The following FBXL18 variants were observed in gnomAD, a reference collection of about 807,000 sequenced individuals.
FBXL18 encodes the protein F-box and leucine rich repeat protein 18.
Under a neutral mutation model 46.0 loss-of-function variants are expected in FBXL18, and 36 were observed. That is an observed-to-expected ratio of 0.78 (90% CI 0.60 to 1.03). FBXL18 has a LOEUF of 1.03. Ranked by LOEUF, FBXL18 falls within the 50% of genes least tolerant of loss-of-function variation. FBXL18 has a pLI of 0.00. For missense variants in FBXL18, 977 were observed against 1,004.1 expected, an observed-to-expected ratio of 0.97 and a Z score of 0.36; for synonymous variants, 557 against 465.3, an observed-to-expected ratio of 1.20 and a Z score of -2.54.
At chr7:5,458,344 C>A (rs540553873) in intron 4 of FBXL18, among the ~76,000 whole-genome samples, 2 of 152,276 alleles carry the variant, frequency 1.3e-5, no homozygotes, top group South Asian at 4.1e-4. Context: ...GCGAGTGGAT[C>A]GCTTGAGGTC....
rs183828325 is a variant in FBXL18 at position 5,470,473 on chromosome 7, G to A, written c.2000+20758C>T. Among the ~76,000 whole-genome samples the A allele has an allele frequency of 3.5e-4, 53 of 152,242 alleles. No individual in the cohort carries two copies. The East Asian group carries it at 9.1e-3, about 26-fold the overall frequency. On this transcript the variant is annotated intron_variant and NMD_transcript_variant, in intron 4 of 6. Transcript: ENST00000415009. ...GGGAGCCTGAGCTGCCACGAAACCC[G>A]AGAGCCAGGAACTCTGGGAAACCCG...
chr7:5,484,329 G>A (rs930578199), intron 4 of FBXL18, among the ~76,000 whole-genome samples: 4 of 152,038 alleles, frequency 2.6e-5, no homozygotes, highest in African/African-American at 9.7e-5. Context: ...AAATTAGCCG[G>A]GCGTGGTGGT....
intron 3 of FBXL18, among the ~76,000 whole-genome samples, chr7:5,498,147 G>A (rs1784133447): frequency 6.7e-6 from 1 of 150,108 alleles, no homozygotes; most frequent in African/African-American, 2.5e-5. Flanking sequence ...GCGGCCAGTG[G>A]CGCGATCTCG....
chr7:5,512,588 G>C (rs894542638), intron 1 of FBXL18, among the ~76,000 whole-genome samples: 3 of 152,206 alleles, frequency 2.0e-5, no homozygotes, highest in African/African-American at 7.2e-5. Flanking sequence ...CTGGGCGACA[G>C]AGCGAGACTC....
rs1783616980 is a variant in FBXL18, at chr7:5,480,548, A to ATATATATATATATATT, written c.*1226_*1227insAATATATATATATATA. On this transcript the variant is annotated 3_prime_UTR_variant, in exon 5 of 5. Transcript: ENST00000382368. ...GTTGAATATATATATATATATATAT[A>ATATATATATATATATT]TTTTTTTTTTTTTTTTTTTTTTTTT... 2.5e-5 allele frequency: 1 copy of ATATATATATATATATT among 40,332 alleles called. No homozygotes were observed. Among genetic ancestry groups the ATATATATATATATATT allele is most frequent in the African/African-American group, 9.6e-5 (1 of 10,416 alleles). The allele number at this position is 40,332 out of a possible 1,614,324, so 2.5% of individuals were successfully genotyped here.
intron 1 of FBXL18, among the ~76,000 whole-genome samples, chr7:5,511,298 G>T (rs1784524700): frequency 6.6e-6 from 1 of 151,976 alleles, no homozygotes; most frequent in Non-Finnish European, 1.5e-5. Flanking sequence ...TTAGCCAGGG[G>T]CCGGGCGCAG....
intron 4 of FBXL18, among the ~76,000 whole-genome samples, chr7:5,463,712 A>ATATATATATATATATATT (rs1783292419): frequency 1.8e-5 from 1 of 56,470 alleles, no homozygotes; most frequent in Non-Finnish European, 3.2e-5. Context: ...ATATTTATTT[A>ATATATATATATATATATT]TTTATTTATT....
rs978225009 is a variant in FBXL18 at position 5,479,340 on chromosome 7, G to A, written c.*2435C>T. ...TGGAGCAGACGCAATTCTCTAGCCC[G>A]AGTGGGGAATGTTCTGGAGGAAGGA... On this transcript the variant is annotated 3_prime_UTR_variant, in exon 5 of 5. Coordinates refer to ENST00000382368, the MANE Select transcript of FBXL18 (RefSeq NM_024963.6). 3.3e-5 allele frequency: 5 copies of A among 152,290 alleles called. No homozygotes were observed. The highest frequency in any genetic ancestry group is 1.2e-4 in the African/African-American group (5 of 41,446). 9.4% of individuals were successfully genotyped at this position (152,290 alleles called of 1,614,324 possible). A position where few individuals can be genotyped will look rare whatever the true frequency, so the allele number is the denominator to read the frequency against.
chr7:5,506,776 T>G (rs1414837572), intron 1 of FBXL18, among the ~76,000 whole-genome samples: 2 of 152,168 alleles, frequency 1.3e-5, no homozygotes, highest in Non-Finnish European at 2.9e-5. Context: ...AGGCTGGTCT[T>G]GAACTCCTGG....
Position 5,501,718 on chromosome 7 carries a change from G to T in FBXL18, c.551C>A (p.Ser184Tyr). Residue 184 changes from serine to tyrosine, a missense_variant, in exon 3 of 5, where the codon TCC becomes TAC. Transcript: ENST00000382368. ...RELKQTLFTPSYGVVPCCTSL... is the reference protein window; with the variant it reads ...RELKQTLFTPYYGVVPCCTSL... ...GGTGCAGCAGGGCACCACGCCGTAGGAGGGAGTGAACAGCGTCTGCTTGAG... is the reference window on the plus strand; with the variant it reads ...GGTGCAGCAGGGCACCACGCCGTAGTAGGGAGTGAACAGCGTCTGCTTGAG... 6.3e-7 allele frequency: 1 copy of T among 1,584,316 alleles called. No individual in the cohort carries two copies. Among genetic ancestry groups the T allele is most frequent in the Non-Finnish European group, 8.6e-7 (1 of 1,164,966 alleles).
chr7:5,493,707 G>A (rs1012422596), intron 3 of FBXL18, among the ~76,000 whole-genome samples: 4 of 151,080 alleles, frequency 2.6e-5, no homozygotes, highest in African/African-American at 9.7e-5. Context: ...GGAGACAGGG[G>A]TCTCACTATG....
chr7:5,459,283 G>C (rs1783212113), intron 4 of FBXL18, among the ~76,000 whole-genome samples: 1 of 152,174 alleles, frequency 6.6e-6, no homozygotes. Flanking sequence ...CCTTGGCTCA[G>C]CCCCAGTACA....
chr7:5,510,088 C>T (rs996359190), intron 1 of FBXL18, among the ~76,000 whole-genome samples: 1 of 151,194 alleles, frequency 6.6e-6, no homozygotes, highest in African/African-American at 2.4e-5. Flanking sequence ...GATCACTTGA[C>T]GTCAGGAGTT....
rs150353268 is a variant in FBXL18 at position 5,496,265 on chromosome 7, C to T, written c.1781+4223G>A. 0.013 allele frequency among the ~76,000 whole-genome samples: 1,910 copies of T among 152,326 alleles called. 24 individuals are homozygous for T. Among genetic ancestry groups the T allele is most frequent in the African/African-American group, 0.034 (1,409 of 41,564 alleles). ...AGACCTGTACACCCATGAAAAGCAC[C>T]TGGCAGAGGTCACATGAGCCCAAAG... On this transcript the variant is annotated intron_variant, in intron 3 of 4. Transcript: ENST00000382368. The surrounding 1 kb of genome is among the most constrained non-coding windows in gnomAD (Gnocchi z 4.8).
intron 3 of FBXL18, among the ~76,000 whole-genome samples, chr7:5,498,720 G>A (rs1490281905): frequency 3.3e-5 from 5 of 152,126 alleles, no homozygotes; most frequent in Admixed American, 6.6e-5. Flanking sequence ...ACAGGTGCCT[G>A]CTCCCACGCC....
In FBXL18 at chr7:5,501,137, G is replaced by C. The variant is rs1354599699; in HGVS notation, c.1132C>G (p.Leu378Val). ...DDIDSSILET[L>V]VASCCNLRHL... ...CGCAGGTTGCAGCAGGACGCCACCAGAGTCTCCAGGATGCTGCTGTCGATG... is the reference window on the plus strand; with the variant it reads ...CGCAGGTTGCAGCAGGACGCCACCACAGTCTCCAGGATGCTGCTGTCGATG... The change falls in exon 3 of 5, where the codon CTG becomes GTG. Residue 378 changes from leucine to valine, a missense_variant. Leu to Val is a conservative substitution (Grantham distance 32, BLOSUM62 1). Coordinates refer to ENST00000382368, the MANE Select transcript of FBXL18 (RefSeq NM_024963.6). 1 of 1,612,998 alleles carries C rather than the reference G, an allele frequency of 6.2e-7. No individual in the cohort carries two copies. The highest frequency in any genetic ancestry group is 8.5e-7 in the Non-Finnish European group (1 of 1,179,834).
chr7:5,491,552 C>A (rs1281548761), intron 3 of FBXL18, 103 bp from the exon 4 acceptor site: 1 of 981,760 alleles, frequency 1.0e-6, no homozygotes, highest in Non-Finnish European at 1.5e-6. Flanking sequence ...TGGCCTGGGG[C>A]CCAGCCCAGC....
chr7:5,494,872 G>C (rs750539681), intron 3 of FBXL18, among the ~76,000 whole-genome samples: 4 of 151,876 alleles, frequency 2.6e-5, no homozygotes, highest in Non-Finnish European at 4.4e-5. Context: ...GCAGAGCGTG[G>C]AAAAAAAACC....
intron 4 of FBXL18, among the ~76,000 whole-genome samples, chr7:5,466,967 A>C (rs1783349639): frequency 6.6e-6 from 1 of 152,210 alleles, no homozygotes; most frequent in Non-Finnish European, 1.5e-5. Context: ...CTGTAATCCC[A>C]GCACTTTGGG....
Sources: allele counts gnomAD v4.1 joint callset (sites outside exome capture counted in the v4.1 genomes callset), GRCh38; gene constraint gnomAD v4.1.1; non-coding constraint Gnocchi (gnomAD v3.1); transcripts MANE v1.5; gene names NCBI Gene and HGNC (gene_info 2026-07-23, HGNC 2026-07-21).